Variants in ACAD10 observed in about 807,000 individuals in gnomAD.
ACAD10 encodes the protein ACAD-10.
A neutral mutation model predicts 116.8 loss-of-function variants in ACAD10; 112 were observed. That is an observed-to-expected ratio of 0.96 (90% CI 0.82 to 1.12). The LOEUF is 1.12. Ranked by LOEUF, ACAD10 falls within the 50% of genes most tolerant of loss-of-function variation. The probability of loss-of-function intolerance (pLI) is 0.00; values close to 1 mark genes in which losing one functional copy is unlikely to be tolerated. For missense variants in ACAD10, 1,259 were observed against 1,350.2 expected, an observed-to-expected ratio of 0.93 and a Z score of 1.06; for synonymous variants, 486 against 510.6, an observed-to-expected ratio of 0.95 and a Z score of 0.65.
At chr12:111,692,410 A>G (rs1237467917) in intron 1 of ACAD10, among the ~76,000 whole-genome samples, 1 of 152,226 alleles carries the variant, frequency 6.6e-6, no homozygotes, top group Non-Finnish European at 1.5e-5. Context: ...TGAGATTTTC[A>G]GGAGAAAGAC....
At chr12:111,723,369 G>T (rs1219634923) in intron 8 of ACAD10, among the ~76,000 whole-genome samples, 1 of 137,484 alleles carries the variant, frequency 7.3e-6, no homozygotes, top group African/African-American at 2.7e-5. Context: ...CAGGCGGGGG[G>T]CTGACCCCCC....
intron 12 of ACAD10, among the ~76,000 whole-genome samples, chr12:111,737,699 C>A (rs539541529): frequency 6.6e-6 from 1 of 152,272 alleles, no homozygotes; most frequent in South Asian, 2.1e-4. Context: ...TCTTCTCTCT[C>A]TCCTCCTACT....
At chr12:111,698,975 G>T (rs1458443692) in intron 2 of ACAD10, among the ~76,000 whole-genome samples, 2 of 151,942 alleles carry the variant, frequency 1.3e-5, no homozygotes, top group Non-Finnish European at 2.9e-5. Flanking sequence ...TGCCTCCCAG[G>T]CTCAAGCTAT....
In ACAD10 at chr12:111,721,699, G is replaced by A. The variant is rs1889018702; in HGVS notation, c.1021G>A (p.Val341Ile). The A allele has an allele frequency of 6.2e-7, 1 of 1,605,170 alleles. No individual in the cohort carries two copies. Among genetic ancestry groups the A allele is most frequent in the Non-Finnish European group, 8.5e-7 (1 of 1,173,122 alleles). Residue 341 changes from valine to isoleucine, a missense_variant, in exon 8 of 21, where the codon GTA becomes ATA. By Grantham distance (29) the Val-to-Ile change is conservative. Transcript: ENST00000313698. Reference sequence around the variant, plus strand: ...TATGAAAGCCCTTGCAAATGCTGGAGTACCTGTCCCTAACGTTCTTGATCT... The same window carrying A: ...TATGAAAGCCCTTGCAAATGCTGGAATACCTGTCCCTAACGTTCTTGATCT... ...RIMKALANAG[V>I]PVPNVLDLCE...
chr12:111,734,772 T>A (rs941360631), intron 11 of ACAD10, among the ~76,000 whole-genome samples: 2 of 152,232 alleles, frequency 1.3e-5, no homozygotes, highest in Non-Finnish European at 2.9e-5. Flanking sequence ...TTCTTCTGTG[T>A]GTATATGTAC....
intron 8 of ACAD10, among the ~76,000 whole-genome samples, chr12:111,723,674 C>CG (rs1409172248): frequency 1.6e-5 from 2 of 124,658 alleles, no homozygotes; most frequent in Non-Finnish European, 3.3e-5. Flanking sequence ...CCGGACGGGG[C>CG]GGGGGGCTGA....
At chr12:111,702,882 T>C (rs1307107523) in intron 3 of ACAD10, among the ~76,000 whole-genome samples, 5 of 151,876 alleles carry the variant, frequency 3.3e-5, no homozygotes, top group Non-Finnish European at 7.4e-5. Context: ...GTGTTTGAAC[T>C]CTGGAGTTTG....
At chr12:111,704,116 G>A (rs1166629853) in intron 3 of ACAD10, among the ~76,000 whole-genome samples, 1 of 151,008 alleles carries the variant, frequency 6.6e-6, no homozygotes, top group Non-Finnish European at 1.5e-5. Context: ...AGGAGTGACT[G>A]TTAATGGGTA....
chr12:111,733,825 G>T, intron 10 of ACAD10, 98 bp from the exon 11 acceptor site: 1 of 1,481,856 alleles, frequency 6.7e-7, no homozygotes, highest in Non-Finnish European at 9.3e-7. Flanking sequence ...GGGATGGGAG[G>T]GTGGGGAGCC....
chr12:111,693,967 C>T (rs1374534045), intron 2 of ACAD10, among the ~76,000 whole-genome samples: 2 of 152,170 alleles, frequency 1.3e-5, no homozygotes, highest in Admixed American at 1.3e-4. Context: ...CATTTCCACT[C>T]TTACATTGTG....
At chr12:111,751,762 ATAG>A (rs1890077801) in intron 18 of ACAD10, among the ~76,000 whole-genome samples, 1 of 151,304 alleles carries the variant, frequency 6.6e-6, no homozygotes, top group South Asian at 2.1e-4. Flanking sequence ...AAAATTAAAA[ATAG>A]TAGCCAGGTG....
chr12:111,708,545 A>T (rs1193319441), intron 4 of ACAD10, among the ~76,000 whole-genome samples: 1 of 151,842 alleles, frequency 6.6e-6, no homozygotes, highest in Admixed American at 6.6e-5. Context: ...CCAGACATTT[A>T]TTTACCTGAA....
At chr12:111,715,530 C>T in intron 6 of ACAD10, 1 of 355,422 alleles carries the variant, frequency 2.8e-6, no homozygotes, top group Non-Finnish European at 5.3e-6. Context: ...GGAGCAGGAG[C>T]TGGCAGGAAG....
intron 8 of ACAD10, among the ~76,000 whole-genome samples, chr12:111,723,458 G>A (rs1100127): frequency 0.23 from 28,909 of 128,426 alleles, 4,309 homozygotes; most frequent in East Asian, 0.87. Flanking sequence ...GCAGCTGGCC[G>A]GGCGGGGGGC....
At chr12:111,730,883 C>G (rs1036353019) in intron 10 of ACAD10, among the ~76,000 whole-genome samples, 1 of 152,050 alleles carries the variant, frequency 6.6e-6, no homozygotes, top group Non-Finnish European at 1.5e-5. Context: ...TCCCGAGCAG[C>G]TGGGATTACA....
intron 18 of ACAD10, 61 bp from the exon 19 acceptor site, chr12:111,753,711 C>G: frequency 6.2e-7 from 1 of 1,611,188 alleles, no homozygotes; most frequent in Non-Finnish European, 8.5e-7. Flanking sequence ...CACCAGCCCC[C>G]GCCTCTCGTG....
chr12:111,744,940 A>G lies in ACAD10; in HGVS notation c.2012A>G (p.Lys671Arg). 1 of 1,614,154 alleles carries G rather than the reference A, an allele frequency of 6.2e-7. No individual in the cohort carries two copies. Among genetic ancestry groups the G allele is most frequent in the African/African-American group, 1.3e-5 (1 of 75,048 alleles). Reference protein sequence around the residue: ...PPVRELYHRLKHFMEQRVYPA... With the variant: ...PPVRELYHRLRHFMEQRVYPA... ...GTCAGAGAGCTGTATCACCGGCTGA[A>G]GCACTTCATGGAGCAACGTGTGTAC... is the stretch of plus-strand genomic sequence containing the variant. The change falls in exon 13 of 21, where the codon AAG (lysine) becomes AGG (arginine). Residue 671 changes from lysine to arginine, a missense_variant. Physicochemically the swap from Lys to Arg is conservative, Grantham distance 26 (BLOSUM62 2). Transcript: ENST00000313698.
chr12:111,756,015 A>T, intron 20 of ACAD10: 1 of 836,866 alleles, frequency 1.2e-6, no homozygotes, highest in Non-Finnish European at 1.8e-6. Flanking sequence ...CCTCAAATTC[A>T]CATGAACTTG....
chr12:111,747,157 C>T lies in ACAD10; in HGVS notation c.2365C>T (p.Arg789Cys), dbSNP rs1361711864. ...WLIPLLEGKA[R>C]SCFAMTEPQV... ...GATTCCTCTGCTGGAGGGGAAAGCC[C>T]GCTCCTGTTTTGCTATGACCGAGCC... is the stretch of plus-strand genomic sequence containing the variant. Residue 789 changes from arginine to cysteine, a missense_variant, in exon 15 of 21, where the codon CGC (arginine) becomes TGC (cysteine). Physicochemically the swap from Arg to Cys is radical, Grantham distance 180. Transcript: ENST00000313698. The T allele has an allele frequency of 6.2e-6, 10 of 1,612,408 alleles. No homozygotes were observed. Among genetic ancestry groups the T allele is most frequent in the Admixed American group, 3.3e-5 (2 of 59,888 alleles).
Sources: gnomAD v4.1 joint callset for allele counts (sites outside exome capture counted in the v4.1 genomes callset) on GRCh38, gnomAD v4.1.1 for gene constraint, MANE v1.5 for transcripts, NCBI Gene and HGNC (gene_info 2026-07-23, HGNC 2026-07-21) for gene names.